Variants in SPAG11A observed in about 807,000 individuals in gnomAD.
SPAG11A encodes sperm-associated antigen 11A.
SPAG11A carries 2 observed loss-of-function variants against 5.5 expected under a neutral mutation model. That is an observed-to-expected ratio of 0.37 (90% confidence interval 0.15 to 1.15). The LOEUF is 1.15. Ranked by LOEUF, SPAG11A falls within the 50% of genes most tolerant of loss-of-function variation. The probability of loss-of-function intolerance (pLI) is 0.38; values close to 1 mark genes in which losing one functional copy is unlikely to be tolerated. For missense variants in SPAG11A, 24 were observed against 122.5 expected (o/e 0.20, Z 3.80); for synonymous variants, 11 against 42.7 (o/e 0.26, Z 2.90).
At chr8:7,861,138 A>G (rs866514194), downstream of SPAG11A, among the ~76,000 whole-genome samples, 66 of 83,020 alleles carry the variant, frequency 7.9e-4, 1 homozygote, top group Middle Eastern at 5.7e-3. Flanking sequence ...AATGCAACCA[A>G]TCTGCTGCTC....
At position 7,857,882 on chromosome 8, in the gene SPAG11A, C is replaced by G. The variant is rs906262722; in HGVS notation, c.215-2764C>G. ...CTGCTTGATGTCTCTTTTTCAAAAT[C>G]CATGTCTAGGTAAGACTCATGGTGA... On this transcript the variant is annotated intron_variant, in intron 2 of 2. Transcript: ENST00000642566. Among the ~76,000 whole-genome samples the G allele has an allele frequency of 5.5e-5, 5 of 91,156 alleles. 1 individual carries two copies. Among genetic ancestry groups the G allele is most frequent in the African/African-American group, 1.5e-4 (5 of 33,282 alleles). The allele number at this position is 91,156 out of a possible 152,430, so 59.8% of individuals were successfully genotyped here.
chr8:7,862,642 T>C (rs188426346), downstream of SPAG11A, among the ~76,000 whole-genome samples: 1 of 17,952 alleles, frequency 5.6e-5, no homozygotes, highest in Non-Finnish European at 4.4e-4. Context: ...GTTTGTCCAC[T>C]TGTAAGGCAT....
chr8:7,858,963 C>G (rs562497287), intron 2 of SPAG11A, among the ~76,000 whole-genome samples: 15 of 1,684 alleles, frequency 8.9e-3, no homozygotes, highest in African/African-American at 0.014. Context: ...CTTTCCTCTT[C>G]AATATCCGTA....
At chr8:7,859,994 C>G (rs1396917831) in intron 2 of SPAG11A, among the ~76,000 whole-genome samples, 8 of 150,200 alleles carry the variant, frequency 5.3e-5, no homozygotes, top group Non-Finnish European at 7.4e-5. Flanking sequence ...GAGTGTTTTC[C>G]TAATCACGCA....
At chr8:7,863,213 ATTTTT>A (rs869056010), downstream of SPAG11A, among the ~76,000 whole-genome samples, 1 of 7,540 alleles carries the variant, frequency 1.3e-4, no homozygotes, top group Non-Finnish European at 2.9e-4. Flanking sequence ...TGCAGATGGG[ATTTTT>A]TTTTTTTTTT....
At chr8:7,859,960 G>A (rs1170533780) in intron 2 of SPAG11A, among the ~76,000 whole-genome samples, 14 of 148,928 alleles carry the variant, frequency 9.4e-5, no homozygotes, top group Admixed American at 1.3e-4. Flanking sequence ...ATTAGACCCC[G>A]TTTGGAGGTT....
At chr8:7,860,187 A>G (rs1248506425) in intron 2 of SPAG11A, among the ~76,000 whole-genome samples, 5 of 149,118 alleles carry the variant, frequency 3.4e-5, no homozygotes, top group Non-Finnish European at 6.0e-5. Context: ...GGTCCTGGTG[A>G]GGAGAGAGGT....
intron 2 of SPAG11A, among the ~76,000 whole-genome samples, chr8:7,852,572 A>C (rs943596658): frequency 6.6e-6 from 1 of 151,842 alleles, no homozygotes; most frequent in Admixed American, 6.6e-5. Flanking sequence ...ACCTCAGGTG[A>C]TCTGTCCGCC....
chr8:7,852,610 G>A (rs550720898), intron 2 of SPAG11A, among the ~76,000 whole-genome samples: 1 of 152,136 alleles, frequency 6.6e-6, no homozygotes, highest in Admixed American at 6.6e-5. Context: ...TGGAATTACA[G>A]GCGTGAGCCA....
In SPAG11A at chr8:7,858,247, TA is replaced by T. The variant is rs1439793023; in HGVS notation, c.215-2398del. ...AAGTGATCCTGGGACTAAAATCAAA[TA>T]GGGGCAAAATGTGCAGCTTTATCCA... On this transcript the variant is annotated intron_variant, in intron 2 of 2. Transcript: ENST00000642566. Among the ~76,000 whole-genome samples, 199 of 115,022 alleles carry T rather than the reference TA, an allele frequency of 1.7e-3. 29 individuals carry two copies. Among genetic ancestry groups the T allele is most frequent in the Non-Finnish European group, 2.5e-4 (12 of 48,368 alleles). 75.5% of individuals were successfully genotyped at this position (115,022 alleles called of 152,430 possible). A position where few individuals can be genotyped will look rare whatever the true frequency, so the allele number is the denominator to read the frequency against.
intron 2 of SPAG11A, among the ~76,000 whole-genome samples, chr8:7,857,441 T>C (rs1585708950): frequency 3.0e-5 from 3 of 101,230 alleles, no homozygotes; most frequent in African/African-American, 9.1e-5. Flanking sequence ...TTTTCTTTCT[T>C]TCTTTTTTTT....
intron 2 of SPAG11A, among the ~76,000 whole-genome samples, chr8:7,849,170 C>T (rs1817893368): frequency 1.5e-5 from 2 of 130,940 alleles, no homozygotes; most frequent in Non-Finnish European, 3.3e-5. Context: ...GGCCTCCTGC[C>T]AGGTTGCAGC....
At position 7,860,640 on chromosome 8, in the gene SPAG11A, C is replaced by A. The variant is rs1818180502; in HGVS notation, c.215-6C>A. The A allele has an allele frequency of 2.8e-6, 4 of 1,435,448 alleles. 1 individual carries two copies. In the African/African-American group the frequency reaches 4.2e-5, roughly 15 times the overall value. The allele number at this position is 1,435,448 out of a possible 1,614,324, so 88.9% of individuals were successfully genotyped here. A position where few individuals can be genotyped will look rare whatever the true frequency, so the allele number is the denominator to read the frequency against. On this transcript the variant is annotated splice_region_variant and splice_polypyrimidine_tract_variant and intron_variant, in intron 2 of 2. Transcript: ENST00000642566. ...AAATGTCAACTCTCTTCTGTTGTAT[C>A]CATAGGGGATGTTCCACTGGGAATT...
chr8:7,854,536 A>AT (rs529750142), intron 2 of SPAG11A, among the ~76,000 whole-genome samples: 19 of 148,454 alleles, frequency 1.3e-4, no homozygotes, highest in Non-Finnish European at 2.1e-4. Context: ...GTAGAAACTG[A>AT]TTTTTTTTTC....
chr8:7,852,392 C>A (rs538725870), intron 2 of SPAG11A, among the ~76,000 whole-genome samples: 254 of 152,218 alleles, frequency 1.7e-3, no homozygotes, highest in Middle Eastern at 0.014. Flanking sequence ...TGGCTCACCA[C>A]CACCTCCACC....
At chr8:7,858,485 A>G (rs1208396442) in intron 2 of SPAG11A, among the ~76,000 whole-genome samples, 1 of 92,590 alleles carries the variant, frequency 1.1e-5, no homozygotes, top group Non-Finnish European at 2.7e-5. Flanking sequence ...AGAGAAGAGC[A>G]TGTCCTCTTC....
chr8:7,863,674 C>G (rs1476276853), downstream of SPAG11A: 9 of 1,446,406 alleles, frequency 6.2e-6, no homozygotes, highest in East Asian at 1.4e-4. Flanking sequence ...GTCTGTGGCT[C>G]TGACTAAGCC....
chr8:7,860,871 C>T (rs1253757477), exon 3 of SPAG11A: 1 of 1,215,598 alleles, frequency 8.2e-7, no homozygotes, highest in Non-Finnish European at 1.1e-6. Context: ...TTGAAGTATC[C>T]CAAGGGCTTA....
intron 2 of SPAG11A, among the ~76,000 whole-genome samples, chr8:7,854,512 T>G (rs1585707339): frequency 6.7e-6 from 1 of 149,404 alleles, no homozygotes; most frequent in East Asian, 2.0e-4. Context: ...CTACCTGGGA[T>G]TCATAAAAAA....
Sources: gnomAD v4.1 joint callset for allele counts (sites outside exome capture counted in the v4.1 genomes callset) on GRCh38, gnomAD v4.1.1 for gene constraint, MANE v1.5 for transcripts, NCBI Gene and HGNC (gene_info 2026-07-23, HGNC 2026-07-21) for gene names.